Variants in SLC12A1 observed in about 807,000 individuals in gnomAD.
The protein encoded by SLC12A1 is solute carrier family 12 member 1, also known as Na-K-2Cl cotransporter.
SLC12A1 carries 89 observed loss-of-function variants against 130.4 expected under a neutral mutation model. That is an observed-to-expected ratio of 0.68 (90% confidence interval 0.58 to 0.81). The LOEUF (loss-of-function observed/expected upper bound fraction) is 0.81, where lower values mean the gene tolerates loss of function less well. Among genes scored for constraint, SLC12A1 ranks in the 40% least tolerant of loss-of-function variants. SLC12A1 has a pLI of 0.00. For missense variants in SLC12A1, 1,310 were observed against 1,336.4 expected, an observed-to-expected ratio of 0.98 and a Z score of 0.31; for synonymous variants, 499 against 460.0, an observed-to-expected ratio of 1.08 and a Z score of -1.09.
Position 48,297,534 on chromosome 15 carries a change from C to T in SLC12A1, c.2961-1606C>T, listed in dbSNP as rs79989205. 7.9e-3 allele frequency among the ~76,000 whole-genome samples: 1,196 copies of T among 152,330 alleles called. 52 individuals are homozygous for T. In the East Asian group the frequency reaches 0.11, roughly 14 times the overall value. ...ACTCCACCTTCTATTTCTTAGGAAA[C>T]TATTTTTGTACTGTGCTTTCTAACA... is the stretch of plus-strand genomic sequence containing the variant. On this transcript the variant is annotated intron_variant, in intron 24 of 26. Coordinates refer to ENST00000380993, the MANE Select transcript of SLC12A1 (RefSeq NM_000338.3).
chr15:48,297,955 T>G (rs2042195194), intron 24 of SLC12A1, among the ~76,000 whole-genome samples: 1 of 152,238 alleles, frequency 6.6e-6, no homozygotes, highest in African/African-American at 2.4e-5. Context: ...GGCCTATCAG[T>G]CTTATTCTTT....
In SLC12A1 at chr15:48,208,066, G is replaced by GT; in HGVS notation, c.348dup (p.Asn117Ter). 2 of 1,613,614 alleles carry GT rather than the reference G, an allele frequency of 1.2e-6. No individual in the cohort carries two copies. The highest frequency in any genetic ancestry group is 1.7e-6 in the Non-Finnish European group (2 of 1,179,692). ...GCCGTTCCCAAGATAGAGTACTATC[G>GT]TAACACCGGCAGCATCAGTGGGCCC... On this transcript the variant is annotated frameshift_variant, in exon 2 of 27. Coordinates refer to ENST00000380993, the MANE Select transcript of SLC12A1 (RefSeq NM_000338.3). LOFTEE classifies it high-confidence loss of function.
At chr15:48,240,103 ATATATATCCATATATATATATAT>A (rs2041498100) in intron 9 of SLC12A1, among the ~76,000 whole-genome samples, 1 of 134,868 alleles carries the variant, frequency 7.4e-6, no homozygotes, top group African/African-American at 3.1e-5. Context: ...ATATATATAT[ATATATATCCATATATATATATAT>A]AATATGCATA....
chr15:48,300,110 C>T (rs111653166), intron 25 of SLC12A1, among the ~76,000 whole-genome samples: 3,764 of 152,162 alleles, frequency 0.025, 72 homozygotes, highest in African/African-American at 0.047. Flanking sequence ...GGCGGGAGGA[C>T]TGCTTGAGCC....
At chr15:48,273,660 A>T (rs1045714964) in intron 19 of SLC12A1, among the ~76,000 whole-genome samples, 2 of 152,212 alleles carry the variant, frequency 1.3e-5, no homozygotes, top group Non-Finnish European at 2.9e-5. Context: ...TGTTAAGTAA[A>T]GATTACTTAT....
chr15:48,249,966 T>C (rs1220650917), intron 14 of SLC12A1, among the ~76,000 whole-genome samples: 1 of 152,238 alleles, frequency 6.6e-6, no homozygotes, highest in Non-Finnish European at 1.5e-5. Context: ...AAAACACCAC[T>C]ATTTATTTCC....
chr15:48,281,394 T>G (rs1214492174), intron 20 of SLC12A1, among the ~76,000 whole-genome samples: 1 of 152,190 alleles, frequency 6.6e-6, no homozygotes, highest in Non-Finnish European at 1.5e-5. Flanking sequence ...CACACAGTTA[T>G]AGTAGTTAGT....
At chr15:48,236,900 T>G (rs2041446229) in intron 9 of SLC12A1, 3 of 583,588 alleles carry the variant, frequency 5.1e-6, no homozygotes, top group African/African-American at 3.8e-5. Context: ...TTGCTCTTTC[T>G]TTAGACTCCT....
intron 20 of SLC12A1, among the ~76,000 whole-genome samples, chr15:48,278,746 G>A (rs189213965): frequency 4.3e-4 from 65 of 152,230 alleles, no homozygotes; most frequent in African/African-American, 1.5e-3. Flanking sequence ...AATATAACTT[G>A]TATTTAGATT....
At chr15:48,235,442 G>A (rs564452919) in intron 9 of SLC12A1, 1 of 221,674 alleles carries the variant, frequency 4.5e-6, no homozygotes, top group African/African-American at 2.3e-5. Context: ...AGCATGGTAT[G>A]AGTTAGGATA....
chr15:48,245,012 A>G (rs2041561694), intron 11 of SLC12A1, 108 bp downstream of exon 11: 1 of 1,016,628 alleles, frequency 9.8e-7, no homozygotes, highest in Non-Finnish European at 1.5e-6. Flanking sequence ...GCTGATAAGA[A>G]TCCAGCATGG....
At chr15:48,273,565 C>T (rs1179476176) in intron 19 of SLC12A1, among the ~76,000 whole-genome samples, 1 of 152,126 alleles carries the variant, frequency 6.6e-6, no homozygotes, top group Non-Finnish European at 1.5e-5. Flanking sequence ...ACATTGTCTA[C>T]TTTTTATAAT....
chr15:48,262,220 C>G (rs989328272), intron 17 of SLC12A1, among the ~76,000 whole-genome samples: 2 of 152,080 alleles, frequency 1.3e-5, no homozygotes, highest in African/African-American at 4.8e-5. Context: ...GTGCTTCCAC[C>G]CACTAATCAC....
At chr15:48,302,427 T>G (rs1445155924) in intron 26 of SLC12A1, among the ~76,000 whole-genome samples, 1 of 151,302 alleles carries the variant, frequency 6.6e-6, no homozygotes, top group Non-Finnish European at 1.5e-5. Context: ...GAGACCATCC[T>G]GGCTAACAAG....
chr15:48,226,398 G>A, intron 4 of SLC12A1, 78 bp from the exon 5 acceptor site: 1 of 857,304 alleles, frequency 1.2e-6, no homozygotes, highest in Non-Finnish European at 1.9e-6. Context: ...TTAAGTTAAA[G>A]GCAGTGTAGT....
At chr15:48,252,541 T>A (rs1858418337) in intron 15 of SLC12A1, among the ~76,000 whole-genome samples, 1 of 152,154 alleles carries the variant, frequency 6.6e-6, no homozygotes, top group Non-Finnish European at 1.5e-5. Flanking sequence ...GTAACCACTA[T>A]GAGAGTAATA....
At chr15:48,280,837 C>A (rs1412115934) in intron 20 of SLC12A1, among the ~76,000 whole-genome samples, 1 of 151,784 alleles carries the variant, frequency 6.6e-6, no homozygotes, top group African/African-American at 2.4e-5. Flanking sequence ...TTGTACTTAC[C>A]ACACACACAC....
At position 48,264,407 on chromosome 15, in the gene SLC12A1, T is replaced by C. The variant is rs142180925; in HGVS notation, c.2155-3154T>C. Among the ~76,000 whole-genome samples the C allele has an allele frequency of 4.9e-3, 740 of 152,236 alleles. 8 individuals are homozygous for C. Among genetic ancestry groups the C allele is most frequent in the Middle Eastern group, 0.044 (13 of 294 alleles). On this transcript the variant is annotated intron_variant, in intron 17 of 26. Transcript: ENST00000380993. ...CTCTTGAACTGCATAAGGAAGGCAG[T>C]TCAAGCCCTTATAACCCAGGGAAAA...
chr15:48,274,402 TA>T (rs2041928677), intron 19 of SLC12A1, among the ~76,000 whole-genome samples, 168 bp from the exon 20 acceptor site: 1 of 152,178 alleles, frequency 6.6e-6, no homozygotes, highest in South Asian at 2.1e-4. Context: ...TAAAAACGCA[TA>T]GGGGAAGAAC....
Sources: allele counts gnomAD v4.1 joint callset (sites outside exome capture counted in the v4.1 genomes callset), GRCh38; gene constraint gnomAD v4.1.1; transcripts MANE v1.5; gene names NCBI Gene and HGNC (gene_info 2026-07-23, HGNC 2026-07-21).